AFG2A: variants seen among roughly 807,000 people sequenced by gnomAD.
The protein encoded by AFG2A is ATPase family gene 2 protein homolog A.
chr4:123,146,669 G>C, the AFG2A span, among the ~76,000 whole-genome samples: 4 of 152,124 alleles, frequency 2.6e-5, no homozygotes, highest in African/African-American at 9.7e-5. Flanking sequence ...AAAGAACACA[G>C]ATTTCCAGGT....
the AFG2A span, among the ~76,000 whole-genome samples, chr4:123,195,666 T>C: frequency 3.3e-5 from 5 of 152,170 alleles, no homozygotes; most frequent in African/African-American, 1.2e-4. Flanking sequence ...ATAACAGGTT[T>C]CTTTTGGTAG....
At chr4:122,934,436 T>A in the AFG2A span, 2 of 1,614,256 alleles carry the variant, frequency 1.2e-6, no homozygotes, top group Non-Finnish European at 1.7e-6. Flanking sequence ...AGTGGACTTA[T>A]GCTAGAGGAA....
At chr4:123,163,279 CA>C in the AFG2A span, among the ~76,000 whole-genome samples, 1 of 151,980 alleles carries the variant, frequency 6.6e-6, no homozygotes, top group Non-Finnish European at 1.5e-5. Context: ...ACTAAAAATA[CA>C]AAAAAATTAG....
the AFG2A span, among the ~76,000 whole-genome samples, chr4:123,034,571 GA>G: frequency 1.2e-3 from 161 of 135,110 alleles, no homozygotes; most frequent in African/African-American, 2.2e-3. Context: ...ATGCTGGAAT[GA>G]AAAAAAAAAA....
the AFG2A span, among the ~76,000 whole-genome samples, chr4:122,944,004 C>T: frequency 5.3e-5 from 8 of 152,224 alleles, no homozygotes; most frequent in African/African-American, 1.2e-4. Flanking sequence ...CCGAGAGATC[C>T]GCTGTTAGTC....
chr4:123,011,889 A>C, the AFG2A span, among the ~76,000 whole-genome samples: 1 of 137,632 alleles, frequency 7.3e-6, no homozygotes, highest in Non-Finnish European at 1.5e-5. Flanking sequence ...GAGAGGGTAG[A>C]GACACAGAGA....
the AFG2A span, among the ~76,000 whole-genome samples, chr4:123,265,969 A>G: frequency 6.6e-6 from 1 of 152,028 alleles, no homozygotes; most frequent in Non-Finnish European, 1.5e-5. Context: ...AAGAGTGATA[A>G]AATGGAGGTG....
At chr4:123,223,826 T>C in the AFG2A span, among the ~76,000 whole-genome samples, 1 of 152,334 alleles carries the variant, frequency 6.6e-6, no homozygotes, top group African/African-American at 2.4e-5. Context: ...ACCCCTAATA[T>C]TGGATACATG....
At chr4:123,095,485 AT>A in the AFG2A span, among the ~76,000 whole-genome samples, 1 of 152,128 alleles carries the variant, frequency 6.6e-6, no homozygotes, top group African/African-American at 2.4e-5. Flanking sequence ...TAATAGTACT[AT>A]AAAGTTGTTT....
At chr4:123,219,180 C>T in the AFG2A span, among the ~76,000 whole-genome samples, 1 of 152,282 alleles carries the variant, frequency 6.6e-6, no homozygotes, top group East Asian at 1.9e-4. Flanking sequence ...CTCCAGGAGG[C>T]CGCTGGTACA....
chr4:123,020,989 A>G, the AFG2A span, among the ~76,000 whole-genome samples: 1 of 152,128 alleles, frequency 6.6e-6, no homozygotes, highest in Non-Finnish European at 1.5e-5. Context: ...GTGTTGACTC[A>G]TTGTCTATCA....
At chr4:122,941,033 T>G in the AFG2A span, among the ~76,000 whole-genome samples, 2 of 150,680 alleles carry the variant, frequency 1.3e-5, no homozygotes, top group African/African-American at 4.9e-5. Context: ...TTGGTTACTG[T>G]GGCCTTGTAG....
the AFG2A span, among the ~76,000 whole-genome samples, chr4:123,202,900 G>A: frequency 6.6e-6 from 1 of 152,262 alleles, no homozygotes; most frequent in African/African-American, 2.4e-5. Flanking sequence ...GCTTGCATCT[G>A]TAGTCCTAGC....
chr4:123,223,356 C>T, the AFG2A span, among the ~76,000 whole-genome samples: 1 of 152,100 alleles, frequency 6.6e-6, no homozygotes, highest in Non-Finnish European at 1.5e-5. Flanking sequence ...AATGTCTGCT[C>T]AACTCCTTAG....
At chr4:123,083,280 T>C in the AFG2A span, among the ~76,000 whole-genome samples, 1 of 152,188 alleles carries the variant, frequency 6.6e-6, no homozygotes, top group Non-Finnish European at 1.5e-5. Flanking sequence ...TAGCTGTTCC[T>C]TACCAAGTTA....
chr4:123,238,572 A>G, the AFG2A span, among the ~76,000 whole-genome samples: 2 of 152,240 alleles, frequency 1.3e-5, no homozygotes, highest in Non-Finnish European at 2.9e-5. Flanking sequence ...GCAAACTCCA[A>G]CAGACCTGTT....
chr4:123,106,585 G>T, the AFG2A span, among the ~76,000 whole-genome samples: 1 of 152,208 alleles, frequency 6.6e-6, no homozygotes, highest in African/African-American at 2.4e-5. Flanking sequence ...TTCACTTGGA[G>T]GTAAGGCCTC....
chr4:123,071,031 G>A, the AFG2A span, among the ~76,000 whole-genome samples: 4 of 152,218 alleles, frequency 2.6e-5, no homozygotes, highest in Non-Finnish European at 5.9e-5. Context: ...TTGGCTGTCA[G>A]AAAGTAAGTT....
the AFG2A span, among the ~76,000 whole-genome samples, chr4:123,070,024 A>G: frequency 6.6e-6 from 1 of 152,096 alleles, no homozygotes; most frequent in African/African-American, 2.4e-5. Flanking sequence ...GATACTTTGA[A>G]CCATATTGTA....
Sources: allele counts gnomAD v4.1 joint callset (sites outside exome capture counted in the v4.1 genomes callset), GRCh38; gene constraint gnomAD v4.1.1; transcripts MANE v1.5; gene names NCBI Gene and HGNC (gene_info 2026-07-23, HGNC 2026-07-21).